SNTG1: variants seen among roughly 807,000 people sequenced by gnomAD.
The protein encoded by SNTG1 is syntrophin gamma 1.
SNTG1 carries 39 observed loss-of-function variants against 74.7 expected under a neutral mutation model. The observed-to-expected ratio is 0.52, with a 90% CI of 0.40 to 0.68. The LOEUF (loss-of-function observed/expected upper bound fraction) is 0.68, where lower values mean the gene tolerates loss of function less well. Among genes scored for constraint, SNTG1 ranks in the 30% least tolerant of loss-of-function variants. The probability of loss-of-function intolerance (pLI) is 0.00; values close to 1 mark genes in which losing one functional copy is unlikely to be tolerated. For missense variants in SNTG1, 685 were observed against 609.5 expected (o/e 1.12, Z -1.30); for synonymous variants, 254 against 217.1 (o/e 1.17, Z -1.49).
In SNTG1 at chr8:49,959,833, C is replaced by T. The variant is rs139918777; in HGVS notation, c.-103+47602C>T. Among the ~76,000 whole-genome samples the T allele has an allele frequency of 5.2e-3, 789 of 152,234 alleles. 4 individuals carry two copies. The highest frequency in any genetic ancestry group is 8.2e-3 in the Non-Finnish European group (561 of 68,020). On this transcript the variant is annotated intron_variant, in intron 1 of 18. Coordinates refer to ENST00000642720, the MANE Select transcript of SNTG1 (RefSeq NM_018967.5). ...TTTAGAATACAAATGGTAACCTTTCCCTATCTGCATGGCACACTTGCTTAT... is the reference window on the plus strand; with the variant it reads ...TTTAGAATACAAATGGTAACCTTTCTCTATCTGCATGGCACACTTGCTTAT...
At chr8:50,558,636 GT>G (rs1554573835) in intron 12 of SNTG1, among the ~76,000 whole-genome samples, 141 of 146,286 alleles carry the variant, frequency 9.6e-4, no homozygotes, top group Non-Finnish European at 1.4e-3. Flanking sequence ...TGGCTGCAGT[GT>G]TTTTTTTTTC....
At chr8:50,305,759 G>A (rs1487617899) in intron 2 of SNTG1, among the ~76,000 whole-genome samples, 1 of 151,606 alleles carries the variant, frequency 6.6e-6, no homozygotes, top group Non-Finnish European at 1.5e-5. Flanking sequence ...AAAGTTTAAG[G>A]TTCAATGAAT....
At chr8:50,507,164 A>C (rs78996831) in intron 9 of SNTG1, among the ~76,000 whole-genome samples, 3,694 of 151,900 alleles carry the variant, frequency 0.024, 142 homozygotes, top group African/African-American at 0.081. Flanking sequence ...CCATCCTTGC[A>C]TTTCAGGAAT....
At chr8:50,072,818 G>T (rs893760189) in intron 1 of SNTG1, among the ~76,000 whole-genome samples, 15 of 152,154 alleles carry the variant, frequency 9.9e-5, no homozygotes, top group African/African-American at 3.6e-4. Context: ...AAATATTTTA[G>T]TTTCCTAGTG....
At chr8:50,605,444 T>C (rs1355303408) in intron 13 of SNTG1, among the ~76,000 whole-genome samples, 2 of 152,212 alleles carry the variant, frequency 1.3e-5, no homozygotes, top group African/African-American at 4.8e-5. Context: ...GTAATTCCTT[T>C]CTGGCTGCTC....
chr8:50,072,393 T>C (rs146130429), intron 1 of SNTG1, among the ~76,000 whole-genome samples: 1 of 152,310 alleles, frequency 6.6e-6, no homozygotes, highest in East Asian at 1.9e-4. Context: ...AAATTGAATA[T>C]GAGTTATTCT....
At chr8:50,600,555 G>C (rs956473367) in intron 13 of SNTG1, among the ~76,000 whole-genome samples, 4 of 151,622 alleles carry the variant, frequency 2.6e-5, no homozygotes, top group African/African-American at 7.3e-5. Flanking sequence ...ATTTCCTTTG[G>C]ATTTTCCAAT....
At chr8:50,425,264 G>GGGAAC (rs368455811) in intron 4 of SNTG1, among the ~76,000 whole-genome samples, 129,549 of 151,646 alleles carry the variant, frequency 0.85, 55,457 homozygotes, top group Non-Finnish European at 0.89. Context: ...GGTGACTGCT[G>GGGAAC]CTGGTCACAC....
At chr8:50,401,656 T>C (rs916575071) in intron 3 of SNTG1, among the ~76,000 whole-genome samples, 8 of 152,062 alleles carry the variant, frequency 5.3e-5, no homozygotes, top group African/African-American at 1.9e-4. Flanking sequence ...CATGCATGCA[T>C]GTGTTTGTTG....
At chr8:50,523,278 A>G (rs756730625) in intron 9 of SNTG1, among the ~76,000 whole-genome samples, 1 of 152,286 alleles carries the variant, frequency 6.6e-6, no homozygotes, top group Middle Eastern at 3.4e-3. Flanking sequence ...TTCAAAATGC[A>G]TGTGTTCACT....
intron 2 of SNTG1, among the ~76,000 whole-genome samples, chr8:50,391,541 T>C (rs2092660737): frequency 6.6e-6 from 1 of 152,194 alleles, no homozygotes; most frequent in African/African-American, 2.4e-5. Flanking sequence ...TCTTTTTTTG[T>C]TGTGTCTCTG....
chr8:50,041,349 T>G (rs764618159), intron 1 of SNTG1, among the ~76,000 whole-genome samples: 19 of 152,064 alleles, frequency 1.2e-4, no homozygotes, highest in Non-Finnish European at 2.1e-4. Flanking sequence ...AGTTGATGAG[T>G]TTTTGAAATT....
chr8:49,930,436 T>A (rs1215300639), intron 1 of SNTG1, among the ~76,000 whole-genome samples: 3 of 152,004 alleles, frequency 2.0e-5, no homozygotes, highest in African/African-American at 7.2e-5. Flanking sequence ...CCTGATAACA[T>A]CTAATAATCT....
At chr8:50,218,317 A>G (rs1303114692) in intron 2 of SNTG1, among the ~76,000 whole-genome samples, 1 of 149,628 alleles carries the variant, frequency 6.7e-6, no homozygotes, top group African/African-American at 2.6e-5. Flanking sequence ...CAACTCCTCA[A>G]TCATTGTAAA....
intron 2 of SNTG1, among the ~76,000 whole-genome samples, chr8:50,207,884 G>A (rs1367977273): frequency 6.6e-6 from 1 of 152,176 alleles, no homozygotes; most frequent in Non-Finnish European, 1.5e-5. Context: ...TTTTGAGTGA[G>A]TTTCTTAATC....
chr8:49,984,999 T>C (rs919197126), intron 1 of SNTG1, among the ~76,000 whole-genome samples: 2 of 152,210 alleles, frequency 1.3e-5, no homozygotes, highest in Non-Finnish European at 2.9e-5. Flanking sequence ...TTGTTTTTGG[T>C]TGAATTCTAA....
chr8:50,233,469 G>A (rs987662146), intron 2 of SNTG1, among the ~76,000 whole-genome samples: 7 of 151,660 alleles, frequency 4.6e-5, no homozygotes. Flanking sequence ...ATAAAACTTT[G>A]AGAATAAAAT....
At position 50,752,131 on chromosome 8, in the gene SNTG1, C is replaced by T. The variant is rs776453662; in HGVS notation, c.1395+20C>T. On this transcript the variant is annotated intron_variant, in intron 18 of 18. Transcript: ENST00000642720. ...GCAAAGGTAAACCCAAGAAATTCAT[C>T]ACATAACACCTCTAACTACATTAAT... 1 of 1,358,650 alleles carries T rather than the reference C, an allele frequency of 7.4e-7. No homozygotes were observed. Among genetic ancestry groups the T allele is most frequent in the South Asian group, 1.4e-5 (1 of 70,026 alleles). The allele number at this position is 1,358,650 out of a possible 1,614,324, so 84.2% of individuals were successfully genotyped here.
At chr8:50,346,648 A>G (rs1260479735) in intron 2 of SNTG1, among the ~76,000 whole-genome samples, 1 of 152,268 alleles carries the variant, frequency 6.6e-6, no homozygotes, top group East Asian at 1.9e-4. Flanking sequence ...CAAACAACAA[A>G]GTTGTGAATG....
Sources: allele counts gnomAD v4.1 joint callset (sites outside exome capture counted in the v4.1 genomes callset), GRCh38; gene constraint gnomAD v4.1.1; transcripts MANE v1.5; gene names NCBI Gene and HGNC (gene_info 2026-07-23, HGNC 2026-07-21).